FBXO24: variants seen among roughly 807,000 people sequenced by gnomAD.
The protein encoded by FBXO24 is F-box only protein 24.
In FBXO24, 30 loss-of-function variants were observed where a neutral mutation model predicts 63.5. The ratio of observed to expected loss-of-function variants is 0.47; its 90% CI spans 0.35 to 0.64. The LOEUF is 0.64. Among genes scored for constraint, FBXO24 ranks in the 30% least tolerant of loss-of-function variants. The probability of loss-of-function intolerance (pLI) is 0.00; values close to 1 mark genes in which losing one functional copy is unlikely to be tolerated. For synonymous variants in FBXO24, 300 were observed against 305.0 expected (o/e 0.98, Z 0.17); for missense variants, 624 against 763.4 (o/e 0.82, Z 2.15).
intron 3 of FBXO24, among the ~76,000 whole-genome samples, chr7:100,590,880 G>C (rs181027366): frequency 6.6e-4 from 100 of 152,080 alleles, no homozygotes; most frequent in African/African-American, 2.3e-3. Flanking sequence ...GATCCCCCAG[G>C]GTGTACTTCT....
At position 100,586,526 on chromosome 7, in the gene FBXO24, G is replaced by A; in HGVS notation, c.-100G>A. On this transcript the variant is annotated 5_prime_UTR_variant, in exon 1 of 10. Transcript: ENST00000241071. ...CTCGTCCCCCAAAGACCAATCGTAA[G>A]CCAGATACAGGCGAGTGACTGTCAA... is the stretch of plus-strand genomic sequence containing the variant. The A allele has an allele frequency of 7.8e-7, 1 of 1,281,624 alleles. No individual in the cohort carries two copies. The highest frequency in any genetic ancestry group is 1.1e-6 in the Non-Finnish European group (1 of 884,294). The allele number at this position is 1,281,624 out of a possible 1,614,324, so 79.4% of individuals were successfully genotyped here. A position where few individuals can be genotyped will look rare whatever the true frequency, so the allele number is the denominator to read the frequency against.
At chr7:100,590,685 C>T (rs1801973509) in intron 3 of FBXO24, among the ~76,000 whole-genome samples, 1 of 152,204 alleles carries the variant, frequency 6.6e-6, no homozygotes, top group Non-Finnish European at 1.5e-5. Context: ...TGTTGATATT[C>T]TGGGCAAAAT....
At chr7:100,597,417 A>G (rs1371164661) in intron 8 of FBXO24, among the ~76,000 whole-genome samples, 1 of 152,108 alleles carries the variant, frequency 6.6e-6, no homozygotes, top group Non-Finnish European at 1.5e-5. Flanking sequence ...TTTATTTTCA[A>G]GATAGAGTCT....
At chr7:100,595,382 G>A (rs1036169696) in intron 7 of FBXO24, among the ~76,000 whole-genome samples, 159 bp downstream of exon 7, 1 of 152,036 alleles carries the variant, frequency 6.6e-6, no homozygotes, top group Non-Finnish European at 1.5e-5. Flanking sequence ...TGCGGAGGGA[G>A]GCTGAGGAGG....
chr7:100,588,676 T>C (rs2131258605), intron 1 of FBXO24, among the ~76,000 whole-genome samples: 1 of 152,204 alleles, frequency 6.6e-6, no homozygotes, highest in East Asian at 1.9e-4. Flanking sequence ...TCCTGATAAA[T>C]GTCACCCCAC....
At chr7:100,590,956 G>A (rs1282817639) in intron 3 of FBXO24, among the ~76,000 whole-genome samples, 1 of 152,054 alleles carries the variant, frequency 6.6e-6, no homozygotes, top group African/African-American at 2.4e-5. Context: ...AGGGGTGAGG[G>A]AGGATGACCG....
In FBXO24 at chr7:100,586,638, G is replaced by A; in HGVS notation, c.13G>A (p.Ala5Thr). Residue 5 changes from alanine to threonine, a missense_variant, in exon 1 of 10, where the codon GCG becomes ACG. Transcript: ENST00000241071. ...ACCTACCAATAGCATGGGCGAGAAG[G>A]CGGTCCCTTTGCTAAGGAGGAGGCG... MGEK[A>T]VPLLRRRRVK... 1.2e-6 allele frequency: 2 copies of A among 1,614,230 alleles called. No individual in the cohort carries two copies. Among genetic ancestry groups the A allele is most frequent in the Non-Finnish European group, 1.7e-6 (2 of 1,180,020 alleles).
Position 100,594,332 on chromosome 7 carries a change from T to C in FBXO24, c.794-51T>C, listed in dbSNP as rs1193741255. The C allele has an allele frequency of 6.2e-7, 1 of 1,600,128 alleles. No homozygotes were observed. Among genetic ancestry groups the C allele is most frequent in the Non-Finnish European group, 8.5e-7 (1 of 1,172,824 alleles). On this transcript the variant is annotated intron_variant, in intron 5 of 9. Transcript: ENST00000241071. This position sits in a 1 kb window ranked among gnomAD's most constrained non-coding sequence, Gnocchi z 4.2. ...CCTAGGGAGTCTCTTGGGATGTTTATGTGGATATTGGAGAATCCCCTCCCC... is the reference window on the plus strand; with the variant it reads ...CCTAGGGAGTCTCTTGGGATGTTTACGTGGATATTGGAGAATCCCCTCCCC...
intron 8 of FBXO24, 21 bp downstream of exon 8, chr7:100,595,727 C>A: frequency 6.4e-7 from 1 of 1,568,352 alleles, no homozygotes; most frequent in Non-Finnish European, 8.7e-7. Flanking sequence ...TTCCCAGCAA[C>A]TCTCATCCCA....
intron 4 of FBXO24, 30 bp from the exon 5 acceptor site, chr7:100,592,753 G>A: frequency 6.3e-6 from 10 of 1,583,942 alleles, no homozygotes; most frequent in Non-Finnish European, 8.7e-6. Flanking sequence ...TGAAACTCTA[G>A]ATCCCAGACG....
chr7:100,586,750 G>A (rs1801778390), intron 1 of FBXO24, 86 bp downstream of exon 1: 1 of 1,455,336 alleles, frequency 6.9e-7, no homozygotes, highest in Admixed American at 1.7e-5. Flanking sequence ...GCAGTGGCGA[G>A]TGCGAGCTGG....
Position 100,589,368 on chromosome 7 carries a change from CT to C in FBXO24, c.40-607del, listed in dbSNP as rs748043980. ...GCTAAAAGGGCCTCAAATAGGAAAA[CT>C]TCCTCCTGCTCCCTGAAATAAAGAT... On this transcript the variant is annotated intron_variant, in intron 1 of 9. Coordinates refer to ENST00000241071, the MANE Select transcript of FBXO24 (RefSeq NM_033506.3). The C allele has an allele frequency of 3.7e-4, 423 of 1,134,794 alleles. 1 individual carries two copies. Among genetic ancestry groups the C allele is most frequent in the Non-Finnish European group, 4.4e-4 (404 of 927,286 alleles). The allele number at this position is 1,134,794 out of a possible 1,614,324, so 70.3% of individuals were successfully genotyped here.
chr7:100,592,788 C>G lies in FBXO24; in HGVS notation c.564C>G (p.Ala188=). The G allele has an allele frequency of 6.2e-7, 1 of 1,613,570 alleles. No homozygotes were observed. Among genetic ancestry groups the G allele is most frequent in the Non-Finnish European group, 8.5e-7 (1 of 1,179,676 alleles). Residue 188 remains alanine, a synonymous_variant, in exon 5 of 10, where the codon GCC becomes GCG. Transcript: ENST00000241071. ...GCCCTCATCTTTTCCCCCAGTTTGC[C>G]TCGGACCCAAGGTGTGACACAGTTT... is the stretch of plus-strand genomic sequence containing the variant. ...VVLCRGAKDF[A]SDPRCDTVYR... is the part of the protein sequence containing the mutation.
At chr7:100,598,868 A>G (rs1326337604) in intron 8 of FBXO24, among the ~76,000 whole-genome samples, 3 of 151,904 alleles carry the variant, frequency 2.0e-5, no homozygotes, top group African/African-American at 7.3e-5. Flanking sequence ...AGTCCCAGCT[A>G]CTCGGGAGGC....
At position 100,600,791 on chromosome 7, in the gene FBXO24, G is replaced by C; in HGVS notation, c.1635G>C (p.Trp545Cys). 6.2e-7 allele frequency: 1 copy of C among 1,614,134 alleles called. No individual in the cohort carries two copies. Among genetic ancestry groups the C allele is most frequent in the Non-Finnish European group, 8.5e-7 (1 of 1,179,968 alleles). Residue 545 changes from tryptophan to cysteine, a missense_variant, in exon 10 of 10, where the codon TGG (tryptophan) becomes TGC (cysteine). This residue lies in a region of FBXO24 where 216 missense variants were observed against 245.2 expected (regional missense o/e 0.88). Coordinates refer to ENST00000241071, the MANE Select transcript of FBXO24 (RefSeq NM_033506.3). This position sits in a 1 kb window ranked among gnomAD's most constrained non-coding sequence, Gnocchi z 6.3. Reference protein sequence around the residue: ...RTEKMKEIVGWMPLMAAQKDF... With the variant: ...RTEKMKEIVGCMPLMAAQKDF... The stretch of plus-strand genomic sequence containing the variant: ...AGAAGATGAAGGAGATCGTAGGGTG[G>C]ATGCCCCTGATGGCCGCACAGAAGG...
intron 5 of FBXO24, 53 bp downstream of exon 5, chr7:100,593,070 C>A: frequency 1.3e-6 from 2 of 1,499,264 alleles, no homozygotes; most frequent in Non-Finnish European, 1.8e-6. Context: ...ATTCCTCAGA[C>A]CCTGCTGCAG....
At chr7:100,595,834 T>C in intron 8 of FBXO24, 128 bp downstream of exon 8, 7 of 1,299,704 alleles carry the variant, frequency 5.4e-6, no homozygotes, top group Non-Finnish European at 7.4e-6. Flanking sequence ...AGCCACTCAG[T>C]ATGTAATGCC....
rs533326010 is a variant in FBXO24, at chr7:100,598,842, G to A, written c.1207-1189G>A. Among the ~76,000 whole-genome samples, 7 of 152,088 alleles carry A rather than the reference G, an allele frequency of 4.6e-5. No homozygotes were observed. The East Asian group carries it at 1.4e-3, about 30-fold the overall frequency. On this transcript the variant is annotated intron_variant, in intron 8 of 9. Transcript: ENST00000241071. ...AATACAAAAGAAATTAGCCAGGTGT[G>A]GCGGTGTGCACCCATAGTCCCAGCT...
rs1480557225 is a variant in FBXO24 at position 100,595,232 on chromosome 7, C to A, written c.1074+9C>A. ...TCTCACTGCCTGCCAAGGTAGGCTCCTGGAGGGACGGGGCAAACCAGAGGG... is the reference window on the plus strand; with the variant it reads ...TCTCACTGCCTGCCAAGGTAGGCTCATGGAGGGACGGGGCAAACCAGAGGG... On this transcript the variant is annotated intron_variant, in intron 7 of 9. Coordinates refer to ENST00000241071, the MANE Select transcript of FBXO24 (RefSeq NM_033506.3). The A allele has an allele frequency of 1.2e-6, 2 of 1,613,972 alleles. No homozygotes were observed. Among genetic ancestry groups the A allele is most frequent in the Non-Finnish European group, 1.7e-6 (2 of 1,180,010 alleles).
Sources: allele counts gnomAD v4.1 joint callset (sites outside exome capture counted in the v4.1 genomes callset), GRCh38; gene constraint gnomAD v4.1.1; regional missense constraint gnomAD v4.1.1; non-coding constraint Gnocchi (gnomAD v3.1); transcripts MANE v1.5; gene names NCBI Gene and HGNC (gene_info 2026-07-23, HGNC 2026-07-21).